Variants in PRKG1 observed in about 807,000 individuals in gnomAD.
The protein encoded by PRKG1 is protein kinase cGMP-dependent 1, also known as cGMP-dependent protein kinase 1.
Under a neutral mutation model 88.1 loss-of-function variants are expected in PRKG1, and 35 were observed. That is an observed-to-expected ratio of 0.40 (90% CI 0.30 to 0.53). The LOEUF (loss-of-function observed/expected upper bound fraction) is 0.53, where lower values mean the gene tolerates loss of function less well. Among genes scored for constraint, PRKG1 ranks in the 20% least tolerant of loss-of-function variants. PRKG1 has a pLI of 0.59. For synonymous variants in PRKG1, 303 were observed against 292.5 expected (o/e 1.04, Z -0.37); for missense variants, 540 against 839.8 (o/e 0.64, Z 4.41).
chr10:52,241,524 C>A (rs2132379327), intron 9 of PRKG1, among the ~76,000 whole-genome samples: 1 of 152,242 alleles, frequency 6.6e-6, no homozygotes, highest in South Asian at 2.1e-4. Flanking sequence ...ATCTTATTTT[C>A]TTCTTTCCAC....
In PRKG1 at chr10:51,074,796, A is replaced by C. The variant is rs1343042344; in HGVS notation, c.206A>C (p.Gln69Pro). The C allele has an allele frequency of 6.2e-7, 1 of 1,613,920 alleles. No individual in the cohort carries two copies. ...CAGAAGCAGAGCGCGAGCACCTTGCAGGGCGAGCCGCGCACCAAGCGGCAG... is the reference window on the plus strand; with the variant it reads ...CAGAAGCAGAGCGCGAGCACCTTGCCGGGCGAGCCGCGCACCAAGCGGCAG... ...QAQKQSASTL[Q>P]GEPRTKRQAI... is the part of the protein sequence containing the mutation. The change falls in exon 1 of 18, where the codon CAG becomes CCG. Residue 69 changes from glutamine (Q) to proline (P), a missense_variant. Physicochemically the swap from Gln to Pro is moderately conservative, Grantham distance 76 (BLOSUM62 -1). Around this residue, in one of 5 missense-constraint regions of PRKG1, gnomAD observed 400 missense variants for 562.7 expected, o/e 0.71. Coordinates refer to ENST00000373980, the MANE Select transcript of PRKG1 (RefSeq NM_006258.4).
intron 1 of PRKG1, among the ~76,000 whole-genome samples, chr10:50,996,546 G>C (rs1842838843): frequency 1.3e-5 from 2 of 152,182 alleles, no homozygotes; most frequent in South Asian, 4.1e-4. Flanking sequence ...GCTGTGCCAG[G>C]CTGGAATTTC....
At chr10:51,657,932 AG>A (rs1242522264) in intron 3 of PRKG1, among the ~76,000 whole-genome samples, 6 of 152,162 alleles carry the variant, frequency 3.9e-5, no homozygotes, top group South Asian at 2.1e-4. Context: ...TCCAGAAGAA[AG>A]AAATGGAACG....
chr10:52,179,085 T>G (rs902983658), intron 9 of PRKG1, among the ~76,000 whole-genome samples: 2 of 152,164 alleles, frequency 1.3e-5, no homozygotes, highest in African/African-American at 4.8e-5. Context: ...CTTTGTTCCT[T>G]TCTTCCTCCC....
chr10:51,702,717 A>C (rs1361751998), intron 3 of PRKG1, among the ~76,000 whole-genome samples: 1 of 151,442 alleles, frequency 6.6e-6, no homozygotes, highest in Non-Finnish European at 1.5e-5. Context: ...TTTTTTTGAC[A>C]CAGGATTTCA....
intron 3 of PRKG1, among the ~76,000 whole-genome samples, chr10:51,580,129 A>G (rs529511423): frequency 1.7e-3 from 253 of 152,228 alleles, no homozygotes; most frequent in Non-Finnish European, 3.0e-3. Context: ...AGATTTATAA[A>G]TAGGTGCCAC....
At chr10:51,325,871 C>T (rs548147163) in intron 2 of PRKG1, among the ~76,000 whole-genome samples, 127 of 152,242 alleles carry the variant, frequency 8.3e-4, no homozygotes, top group Non-Finnish European at 1.2e-4. Flanking sequence ...CATTCTACTG[C>T]ATTCCATCTG....
intron 3 of PRKG1, among the ~76,000 whole-genome samples, chr10:51,551,652 G>A (rs1743431882): frequency 6.6e-6 from 1 of 151,752 alleles, no homozygotes; most frequent in Non-Finnish European, 1.5e-5. Context: ...TATTTTGAGA[G>A]AATGGCATTG....
At chr10:52,063,571 C>G (rs759651414) in intron 7 of PRKG1, among the ~76,000 whole-genome samples, 1 of 152,248 alleles carries the variant, frequency 6.6e-6, no homozygotes, top group Non-Finnish European at 1.5e-5. Flanking sequence ...TTCAGTGGTT[C>G]CCGATTTCTT....
At chr10:52,284,348 T>C (rs1303182186) in intron 14 of PRKG1, among the ~76,000 whole-genome samples, 2 of 151,980 alleles carry the variant, frequency 1.3e-5, no homozygotes, top group African/African-American at 4.8e-5. Flanking sequence ...ATCGAAACAT[T>C]ATGATTAAAC....
intron 3 of PRKG1, among the ~76,000 whole-genome samples, chr10:51,767,345 C>A (rs116193437): frequency 0.077 from 11,684 of 152,032 alleles, 863 homozygotes; most frequent in African/African-American, 0.2. Flanking sequence ...CTCTCTCTCT[C>A]TCTCTATATA....
chr10:51,461,032 G>T (rs1839730517), intron 2 of PRKG1, among the ~76,000 whole-genome samples: 2 of 152,132 alleles, frequency 1.3e-5, no homozygotes, highest in South Asian at 4.2e-4. Flanking sequence ...TTTAGTTTTG[G>T]ATAGCTTATT....
At chr10:51,218,103 A>G (rs9415788) in intron 2 of PRKG1, among the ~76,000 whole-genome samples, 75,196 of 151,956 alleles carry the variant, frequency 0.49, 18,659 homozygotes, top group African/African-American at 0.54. Flanking sequence ...ATTTAACAAC[A>G]TAATTTTGTA....
chr10:51,239,640 G>C (rs965514623), intron 2 of PRKG1, among the ~76,000 whole-genome samples: 1 of 152,144 alleles, frequency 6.6e-6, no homozygotes, highest in Admixed American at 6.5e-5. Context: ...GAGAAACAAG[G>C]AGCTAAGGGT....
chr10:51,093,597 C>G (rs1360990794), intron 1 of PRKG1, among the ~76,000 whole-genome samples: 1 of 150,684 alleles, frequency 6.6e-6, no homozygotes, highest in Non-Finnish European at 1.5e-5. Context: ...TTTTTAATGT[C>G]AACTCTTGTT....
chr10:51,736,704 TTTCAAGCGGTCCTCCTGGA>T (rs1407929014), intron 3 of PRKG1, among the ~76,000 whole-genome samples: 1 of 151,654 alleles, frequency 6.6e-6, no homozygotes, highest in Non-Finnish European at 1.5e-5. Context: ...GAACTCCTGG[TTTCAAGCGGTCCTCCTGGA>T]TTCAAGCGGT....
Position 52,144,068 on chromosome 10 carries a change from A to G in PRKG1, c.1001+10163A>G, listed in dbSNP as rs1589645962. ...AGCATCCCAGAACTTCCTGGACACTATAACATGAGAGCCAAGTTGTTAAGT... is the reference window on the plus strand; with the variant it reads ...AGCATCCCAGAACTTCCTGGACACTGTAACATGAGAGCCAAGTTGTTAAGT... On this transcript the variant is annotated intron_variant, in intron 8 of 17. Transcript: ENST00000373980. 2.0e-5 allele frequency among the ~76,000 whole-genome samples: 3 copies of G among 152,186 alleles called. No individual in the cohort carries two copies. In the South Asian group the frequency reaches 6.2e-4, roughly 31 times the overall value.
At chr10:51,875,613 A>G (rs1488666323) in intron 4 of PRKG1, among the ~76,000 whole-genome samples, 1 of 152,202 alleles carries the variant, frequency 6.6e-6, no homozygotes, top group Non-Finnish European at 1.5e-5. Context: ...TGAAATTTTT[A>G]AAAAATGTTT....
chr10:51,090,449 T>G (rs1258801645), intron 1 of PRKG1, among the ~76,000 whole-genome samples: 1 of 152,144 alleles, frequency 6.6e-6, no homozygotes, highest in Non-Finnish European at 1.5e-5. Flanking sequence ...CAAGAAGGGT[T>G]GAACATAGGC....
Sources: allele counts gnomAD v4.1 joint callset (sites outside exome capture counted in the v4.1 genomes callset), GRCh38; gene constraint gnomAD v4.1.1; regional missense constraint gnomAD v4.1.1; transcripts MANE v1.5; gene names NCBI Gene and HGNC (gene_info 2026-07-23, HGNC 2026-07-21).